The following PCDHGB2 variants were observed in gnomAD, a reference collection of about 807,000 sequenced individuals.
PCDHGB2 encodes the protein protocadherin gamma-B2.
PCDHGB2 carries 55 observed loss-of-function variants against 59.3 expected under a neutral mutation model. The observed-to-expected ratio is 0.93, with a 90% CI of 0.75 to 1.16. The LOEUF (loss-of-function observed/expected upper bound fraction) is 1.16, where lower values mean the gene tolerates loss of function less well. Ranked by LOEUF, PCDHGB2 falls within the 50% of genes most tolerant of loss-of-function variation. The pLI is 0.00. For missense variants in PCDHGB2, 1,228 were observed against 1,198.5 expected, an observed-to-expected ratio of 1.02 and a Z score of -0.36; for synonymous variants, 516 against 512.0, an observed-to-expected ratio of 1.01 and a Z score of -0.11.
chr5:141,505,418 A>T lies in PCDHGB2; in HGVS notation c.2506A>T (p.Thr836Ser). 1 of 1,614,186 alleles carries T rather than the reference A, an allele frequency of 6.2e-7. No homozygotes were observed. Among genetic ancestry groups the T allele is most frequent in the East Asian group, 2.2e-5 (1 of 44,876 alleles). The change falls in exon 3 of 4, where the codon ACC becomes TCC. Residue 836 changes from threonine to serine, a missense_variant. By Grantham distance (58) the Thr-to-Ser change is moderately conservative. This residue lies in a region of PCDHGB2 where 433 missense variants were observed against 441.8 expected (regional missense o/e 0.98). Coordinates refer to ENST00000522605, the MANE Select transcript of PCDHGB2 (RefSeq NM_018923.3). ...SGSQNGDDTG[T>S]WPNNQFDTEM... ...CTCCCAAAATGGCGATGACACCGGC[A>T]CCTGGCCCAACAACCAGTTTGACAC...
At chr5:141,395,079 G>C in intron 1 of PCDHGB2, 1 of 1,614,142 alleles carries the variant, frequency 6.2e-7, no homozygotes, top group Non-Finnish European at 8.5e-7. Flanking sequence ...CTATTCCCAG[G>C]AAGTCTCCCT....
chr5:141,450,908 G>A (rs1248622378), intron 1 of PCDHGB2, among the ~76,000 whole-genome samples: 12 of 147,640 alleles, frequency 8.1e-5, no homozygotes, highest in East Asian at 6.0e-4. Flanking sequence ...CACTGCAACC[G>A]CTGCCTCCCA....
intron 1 of PCDHGB2, chr5:141,367,540 A>G (rs965275207): frequency 2.6e-4 from 27 of 102,848 alleles, no homozygotes; most frequent in African/African-American, 1.6e-3. Context: ...CCGTCTCAAA[A>G]TAAATAAATA....
intron 1 of PCDHGB2, chr5:141,383,026 T>A (rs767610901): frequency 6.2e-7 from 1 of 1,613,590 alleles, no homozygotes; most frequent in Non-Finnish European, 8.5e-7. Context: ...GGACAAAGGG[T>A]CCTTTGTGGG....
intron 1 of PCDHGB2, among the ~76,000 whole-genome samples, chr5:141,437,421 T>G (rs971034611): frequency 1.2e-4 from 19 of 152,238 alleles, no homozygotes; most frequent in African/African-American, 4.6e-4. Flanking sequence ...TTATGCTTTT[T>G]GAAGCAGCAA....
intron 1 of PCDHGB2, chr5:141,426,748 C>T: frequency 2.2e-6 from 1 of 455,172 alleles, no homozygotes; most frequent in African/African-American, 2.0e-5. Context: ...GGCCTGGAAT[C>T]TGCTATAGAT....
chr5:141,389,790 G>C (rs1328126483), intron 1 of PCDHGB2: 1 of 1,613,470 alleles, frequency 6.2e-7, no homozygotes, highest in South Asian at 1.1e-5. Context: ...CAGGGACGCC[G>C]TCCGCCAGCG....
intron 1 of PCDHGB2, chr5:141,433,309 T>C: frequency 1.1e-6 from 1 of 901,134 alleles, no homozygotes; most frequent in Admixed American, 2.7e-5. Context: ...TTATCCCACC[T>C]TTGCCTCCGG....
At chr5:141,392,107 C>T (rs1289551398) in intron 1 of PCDHGB2, 1 of 152,168 alleles carries the variant, frequency 6.6e-6, no homozygotes, top group Non-Finnish European at 1.5e-5. Flanking sequence ...AAAGCAACAA[C>T]TCTATAGAAA....
rs374575578 is a variant in PCDHGB2 at position 141,409,643 on chromosome 5, T to G, written c.2421+47087T>G. 4.3e-6 allele frequency: 7 copies of G among 1,613,620 alleles called. No homozygotes were observed. The African/African-American group carries it at 8.0e-5, about 18-fold the overall frequency. ...GCAAGTGAGCGCCTCTGACCCGGAT[T>G]TGGGGCTCAATGGCCACATCTCCTA... On this transcript the variant is annotated intron_variant, in intron 1 of 3. Coordinates refer to ENST00000522605, the MANE Select transcript of PCDHGB2 (RefSeq NM_018923.3).
chr5:141,438,735 C>T (rs2098057719), intron 1 of PCDHGB2, among the ~76,000 whole-genome samples: 1 of 149,150 alleles, frequency 6.7e-6, no homozygotes, highest in South Asian at 2.1e-4. Context: ...GATCTCAGCT[C>T]ACTGCAACCT....
rs994878374 is a variant in PCDHGB2, at chr5:141,491,785, C to T, written c.2422-3022C>T. ...TCCTCATAAGGGATTGAACTTGCAT[C>T]CACTCCTCTCCGGCCGGCTTGGTCG... is the stretch of plus-strand genomic sequence containing the variant. On this transcript the variant is annotated intron_variant, in intron 1 of 3. Transcript: ENST00000522605. The surrounding 1 kb of genome is among the most constrained non-coding windows in gnomAD (Gnocchi z 6.9). 20 of 1,529,458 alleles carry T rather than the reference C, an allele frequency of 1.3e-5. No individual in the cohort carries two copies. Among genetic ancestry groups the T allele is most frequent in the Non-Finnish European group, 1.8e-5 (20 of 1,139,198 alleles). The allele number at this position is 1,529,458 out of a possible 1,614,324, so 94.7% of individuals were successfully genotyped here. A position where few individuals can be genotyped will look rare whatever the true frequency, so the allele number is the denominator to read the frequency against.
In PCDHGB2 at chr5:141,512,859, CAT is replaced by C. The variant is rs1474518602; in HGVS notation, c.*1688_*1689del. 6.6e-6 allele frequency: 1 copy of C among 152,296 alleles called. No homozygotes were observed. The highest frequency in any genetic ancestry group is 1.9e-4 in the East Asian group (1 of 5,200). The allele number at this position is 152,296 out of a possible 1,614,324, so 9.4% of individuals were successfully genotyped here. A position where few individuals can be genotyped will look rare whatever the true frequency, so the allele number is the denominator to read the frequency against. On this transcript the variant is annotated 3_prime_UTR_variant, in exon 4 of 4. Transcript: ENST00000522605. ...CTTCTCCTATAAGCGCTTCTCTTCG[CAT>C]AGTCACGTAGCTCCCACCCCACCCT... is the stretch of plus-strand genomic sequence containing the variant.
At chr5:141,376,773 G>A (rs1773367206) in intron 1 of PCDHGB2, 1 of 400,602 alleles carries the variant, frequency 2.5e-6, no homozygotes, top group East Asian at 5.1e-5. Context: ...TGCAAGCTCC[G>A]CTTCCCGGGT....
At chr5:141,418,050 G>T in intron 1 of PCDHGB2, 1 of 1,613,576 alleles carries the variant, frequency 6.2e-7, no homozygotes, top group Non-Finnish European at 8.5e-7. Context: ...GTGTCGGCTC[G>T]CGAGCTGCGA....
chr5:141,431,670 T>C lies in PCDHGB2; in HGVS notation c.2422-63137T>C, dbSNP rs767342240. 1 of 1,614,070 alleles carries C rather than the reference T, an allele frequency of 6.2e-7. No homozygotes were observed. The highest frequency in any genetic ancestry group is 8.5e-7 in the Non-Finnish European group (1 of 1,180,026). On this transcript the variant is annotated intron_variant, in intron 1 of 3. Coordinates refer to ENST00000522605, the MANE Select transcript of PCDHGB2 (RefSeq NM_018923.3). This position sits in a 1 kb window ranked among gnomAD's most constrained non-coding sequence, Gnocchi z 4.8. ...TGTAATTCAGGGACAATATCAACAATAGGGGAGTTGGACCACGAGGAGTCA... is the reference window on the plus strand; with the variant it reads ...TGTAATTCAGGGACAATATCAACAACAGGGGAGTTGGACCACGAGGAGTCA...
At chr5:141,421,827 C>A in intron 1 of PCDHGB2, 1 of 1,613,802 alleles carries the variant, frequency 6.2e-7, no homozygotes, top group Non-Finnish European at 8.5e-7. Flanking sequence ...TGGAGGGAAG[C>A]CTGGACCGAG....
At chr5:141,456,309 A>T (rs1305324857) in intron 1 of PCDHGB2, among the ~76,000 whole-genome samples, 1 of 152,138 alleles carries the variant, frequency 6.6e-6, no homozygotes, top group Non-Finnish European at 1.5e-5. Flanking sequence ...AACAGCAGCT[A>T]GGGCTCCTCC....
intron 1 of PCDHGB2, among the ~76,000 whole-genome samples, chr5:141,445,892 T>C (rs2154561169): frequency 6.6e-6 from 1 of 152,346 alleles, no homozygotes; most frequent in African/African-American, 2.4e-5. Context: ...TTAGGAGCTA[T>C]TAAAATATTT....
Sources: allele counts gnomAD v4.1 joint callset (sites outside exome capture counted in the v4.1 genomes callset), GRCh38; gene constraint gnomAD v4.1.1; regional missense constraint gnomAD v4.1.1; non-coding constraint Gnocchi (gnomAD v3.1); transcripts MANE v1.5; gene names NCBI Gene and HGNC (gene_info 2026-07-23, HGNC 2026-07-21).